Variants in IMMP2L observed in about 807,000 individuals in gnomAD.
IMMP2L encodes the protein mitochondrial inner membrane protease subunit 2.
A neutral mutation model predicts 19.3 loss-of-function variants in IMMP2L; 18 were observed. The observed-to-expected ratio is 0.93, with a 90% CI of 0.64 to 1.38. The LOEUF is 1.38. IMMP2L is among the 40% of genes most tolerant of loss of function. The pLI is 0.00. For synonymous variants in IMMP2L, 76 were observed against 73.0 expected (o/e 1.04, Z -0.21); for missense variants, 233 against 218.2 (o/e 1.07, Z -0.43).
chr7:110,980,505 T>C (rs1404154771), intron 3 of IMMP2L, among the ~76,000 whole-genome samples: 1 of 152,070 alleles, frequency 6.6e-6, no homozygotes, highest in African/African-American at 2.4e-5. Context: ...CGTGAGCCAC[T>C]CCGCCCGGCC....
intron 3 of IMMP2L, among the ~76,000 whole-genome samples, chr7:111,321,619 A>G (rs141974291): frequency 1.3e-5 from 2 of 152,110 alleles, no homozygotes; most frequent in East Asian, 1.9e-4. Context: ...CTGCAAATCA[A>G]AATTTTAGCC....
At chr7:111,313,033 G>A (rs1823682817) in intron 3 of IMMP2L, among the ~76,000 whole-genome samples, 1 of 152,112 alleles carries the variant, frequency 6.6e-6, no homozygotes, top group African/African-American at 2.4e-5. Context: ...GAGCCCACAA[G>A]CCTGCAGTAA....
chr7:111,487,804 A>C (rs931649481), intron 2 of IMMP2L, among the ~76,000 whole-genome samples: 4 of 152,138 alleles, frequency 2.6e-5, no homozygotes, highest in African/African-American at 9.7e-5. Flanking sequence ...GAAGGGGGCA[A>C]AAGAAAGATG....
At chr7:110,990,174 C>T (rs540072844) in intron 3 of IMMP2L, among the ~76,000 whole-genome samples, 1 of 152,236 alleles carries the variant, frequency 6.6e-6, no homozygotes, top group South Asian at 2.1e-4. Context: ...CATACTGTGA[C>T]AATATCCTTA....
intron 5 of IMMP2L, among the ~76,000 whole-genome samples, chr7:110,715,711 A>T (rs1795190490): frequency 7.0e-6 from 1 of 143,400 alleles, no homozygotes; most frequent in Admixed American, 6.9e-5. Context: ...GGTGTAGATG[A>T]GGAGAATGTG....
chr7:111,070,768 C>T (rs1005493678), intron 3 of IMMP2L, among the ~76,000 whole-genome samples: 5 of 152,052 alleles, frequency 3.3e-5, no homozygotes, highest in African/African-American at 1.2e-4. Context: ...TTTAACTGAA[C>T]CTTAGATACT....
At chr7:110,955,311 G>A (rs922735959) in intron 4 of IMMP2L, among the ~76,000 whole-genome samples, 1 of 151,776 alleles carries the variant, frequency 6.6e-6, no homozygotes, top group Non-Finnish European at 1.5e-5. Context: ...TGATTCTTCA[G>A]TAAGGAAAAA....
intron 3 of IMMP2L, among the ~76,000 whole-genome samples, chr7:111,086,380 T>C (rs1796336713): frequency 6.6e-6 from 1 of 152,086 alleles, no homozygotes. Context: ...TTCGAGGTTA[T>C]TGCAGTGAAC....
chr7:110,933,314 T>C (rs1815713407), intron 4 of IMMP2L, among the ~76,000 whole-genome samples: 1 of 152,160 alleles, frequency 6.6e-6, no homozygotes, highest in South Asian at 2.1e-4. Flanking sequence ...ATACATGATC[T>C]AGAACTACCC....
At chr7:110,691,076 C>T (rs1793468433) in intron 5 of IMMP2L, among the ~76,000 whole-genome samples, 1 of 152,078 alleles carries the variant, frequency 6.6e-6, no homozygotes, top group African/African-American at 2.4e-5. Flanking sequence ...AATTATACTA[C>T]AAGGCTATAG....
intron 5 of IMMP2L, among the ~76,000 whole-genome samples, chr7:110,824,957 A>C (rs1372689526): frequency 6.6e-6 from 1 of 152,144 alleles, no homozygotes; most frequent in Non-Finnish European, 1.5e-5. Context: ...TCTCAGCCCA[A>C]AATCTCCTTA....
chr7:110,789,215 T>C (rs1009987150), intron 5 of IMMP2L, among the ~76,000 whole-genome samples: 3 of 151,786 alleles, frequency 2.0e-5, no homozygotes, highest in African/African-American at 4.9e-5. Flanking sequence ...TATTGTCGAA[T>C]AGAGGGAACA....
intron 1 of IMMP2L, among the ~76,000 whole-genome samples, chr7:111,539,476 G>A (rs1782029491): frequency 6.6e-6 from 1 of 152,056 alleles, no homozygotes; most frequent in Non-Finnish European, 1.5e-5. Flanking sequence ...TTTTTAGGAA[G>A]TGTTTAGTTA....
At chr7:111,393,196 C>T (rs1407995536) in intron 3 of IMMP2L, among the ~76,000 whole-genome samples, 1 of 152,138 alleles carries the variant, frequency 6.6e-6, no homozygotes, top group East Asian at 1.9e-4. Flanking sequence ...ACAAAAGATG[C>T]TCTCATCACC....
At chr7:111,042,833 T>C (rs991245447) in intron 3 of IMMP2L, among the ~76,000 whole-genome samples, 1 of 152,208 alleles carries the variant, frequency 6.6e-6, no homozygotes, top group Non-Finnish European at 1.5e-5. Context: ...TCTGGTATTC[T>C]GATGCTAGGG....
intron 5 of IMMP2L, among the ~76,000 whole-genome samples, chr7:110,769,087 T>C (rs1798865303): frequency 6.6e-6 from 1 of 152,206 alleles, no homozygotes; most frequent in African/African-American, 2.4e-5. Context: ...CAATTTCATA[T>C]ATTCCTCTGG....
chr7:111,382,169 GGA>G (rs1831261843), intron 3 of IMMP2L, among the ~76,000 whole-genome samples: 1 of 152,002 alleles, frequency 6.6e-6, no homozygotes, highest in Non-Finnish European at 1.5e-5. Context: ...ATTCTGAAAA[GGA>G]GAGAGAGGAC....
At chr7:110,910,758 G>C (rs1167331692) in intron 4 of IMMP2L, among the ~76,000 whole-genome samples, 1 of 152,148 alleles carries the variant, frequency 6.6e-6, no homozygotes, top group Non-Finnish European at 1.5e-5. Flanking sequence ...ACCATGGACA[G>C]ATGAAGTTCA....
At chr7:111,390,509 C>T (rs1832241350) in intron 3 of IMMP2L, 1 of 152,102 alleles carries the variant, frequency 6.6e-6, no homozygotes, top group Admixed American at 6.5e-5. Flanking sequence ...AACTTTATTT[C>T]CTCAAAAGAC....
Sources: gnomAD v4.1 joint callset for allele counts (sites outside exome capture counted in the v4.1 genomes callset) on GRCh38, gnomAD v4.1.1 for gene constraint, MANE v1.5 for transcripts, NCBI Gene and HGNC (gene_info 2026-07-23, HGNC 2026-07-21) for gene names.